Variants in EPHA5 observed in about 807,000 individuals in gnomAD.
The protein encoded by EPHA5 is EPH receptor A5, also known as ephrin type-A receptor 5.
Under a neutral mutation model 105.0 loss-of-function variants are expected in EPHA5, and 60 were observed. That is an observed-to-expected ratio of 0.57 (90% CI 0.46 to 0.71). EPHA5 has a LOEUF of 0.71. EPHA5 is among the 30% of genes least tolerant of loss of function. The pLI, the probability that EPHA5 is intolerant of heterozygous loss-of-function variation, is 0.00. For synonymous variants in EPHA5, 513 were observed against 449.1 expected (o/e 1.14, Z -1.80); for missense variants, 1,218 against 1,274.7 (o/e 0.96, Z 0.68).
chr4:65,652,082 T>C (rs1478580335), intron 1 of EPHA5, among the ~76,000 whole-genome samples: 1 of 152,176 alleles, frequency 6.6e-6, no homozygotes, highest in Non-Finnish European at 1.5e-5. Flanking sequence ...AAGCCAACAT[T>C]AGATGATATA....
At chr4:65,333,566 T>C (rs1560420185) in intron 15 of EPHA5, among the ~76,000 whole-genome samples, 1 of 120,894 alleles carries the variant, frequency 8.3e-6, no homozygotes, top group South Asian at 2.3e-4. Context: ...TGTGTGTGTG[T>C]GTGTGTGTGT....
chr4:65,442,100 G>T (rs1347239884), intron 5 of EPHA5, among the ~76,000 whole-genome samples: 1 of 151,946 alleles, frequency 6.6e-6, no homozygotes, highest in East Asian at 1.9e-4. Flanking sequence ...TATAAGAAGA[G>T]GTTATGACCT....
intron 1 of EPHA5, among the ~76,000 whole-genome samples, chr4:65,663,412 A>G (rs1449726386): frequency 6.6e-6 from 1 of 152,014 alleles, no homozygotes; most frequent in Non-Finnish European, 1.5e-5. Context: ...ATGACTTTGT[A>G]ACATCTGAGA....
chr4:65,479,834 T>C (rs889857101), intron 5 of EPHA5, among the ~76,000 whole-genome samples: 2 of 152,132 alleles, frequency 1.3e-5, no homozygotes, highest in Admixed American at 1.3e-4. Context: ...AAAAAACATA[T>C]GCGTATGATT....
chr4:65,346,537 AT>A (rs1722242156), intron 14 of EPHA5, among the ~76,000 whole-genome samples: 1 of 152,078 alleles, frequency 6.6e-6, no homozygotes. Flanking sequence ...TTGGGGTTTC[AT>A]TTTGTCTTTT....
intron 3 of EPHA5, among the ~76,000 whole-genome samples, chr4:65,501,185 A>G (rs1343258520): frequency 2.6e-5 from 4 of 151,542 alleles, no homozygotes; most frequent in Non-Finnish European, 5.9e-5. Flanking sequence ...TATAGTATAA[A>G]TATTATTGCT....
At chr4:65,548,329 G>A (rs1043475885) in intron 3 of EPHA5, among the ~76,000 whole-genome samples, 2 of 149,946 alleles carry the variant, frequency 1.3e-5, no homozygotes, top group Non-Finnish European at 3.0e-5. Context: ...AGATAAAGTA[G>A]GAGAGTTAGT....
intron 3 of EPHA5, among the ~76,000 whole-genome samples, chr4:65,575,200 A>C (rs1012806190): frequency 2.0e-5 from 3 of 152,102 alleles, no homozygotes; most frequent in African/African-American, 7.2e-5. Context: ...CCTGGCAATC[A>C]TTCTGGTCCA....
intron 5 of EPHA5, among the ~76,000 whole-genome samples, chr4:65,457,317 G>C (rs781193450): frequency 6.6e-6 from 1 of 152,058 alleles, no homozygotes; most frequent in South Asian, 2.1e-4. Flanking sequence ...TGGTGTCCTC[G>C]CCTGTTAACT....
chr4:65,434,430 G>A (rs1051953740), intron 5 of EPHA5, among the ~76,000 whole-genome samples: 3 of 151,896 alleles, frequency 2.0e-5, no homozygotes, highest in Non-Finnish European at 2.9e-5. Context: ...AGGCCAAGAC[G>A]ATATATTTCT....
At chr4:65,659,150 T>A (rs1749320196) in intron 1 of EPHA5, among the ~76,000 whole-genome samples, 1 of 151,696 alleles carries the variant, frequency 6.6e-6, no homozygotes, top group Non-Finnish European at 1.5e-5. Context: ...AGAATAAAAC[T>A]ATTTTAAAAA....
intron 15 of EPHA5, among the ~76,000 whole-genome samples, chr4:65,335,546 A>G (rs1721090931): frequency 6.6e-6 from 1 of 152,042 alleles, no homozygotes; most frequent in Admixed American, 6.6e-5. Context: ...TTATTGCTAG[A>G]TATCTCTGGT....
intron 2 of EPHA5, among the ~76,000 whole-genome samples, chr4:65,620,166 A>G (rs7674317): frequency 0.9 from 134,187 of 148,334 alleles, 60,778 homozygotes; most frequent in Admixed American, 0.92. Flanking sequence ...AAAATTTATC[A>G]AGAATGAAGT....
intron 1 of EPHA5, among the ~76,000 whole-genome samples, chr4:65,668,409 C>T (rs549030793): frequency 9.9e-5 from 15 of 152,282 alleles, no homozygotes; most frequent in Non-Finnish European, 2.9e-5. Flanking sequence ...AAACCGAAAC[C>T]TCACCATTCT....
At chr4:65,578,100 C>A (rs1283904382) in intron 3 of EPHA5, among the ~76,000 whole-genome samples, 1 of 152,114 alleles carries the variant, frequency 6.6e-6, no homozygotes, top group Non-Finnish European at 1.5e-5. Flanking sequence ...ATACCTATAT[C>A]AACATCTAAT....
intron 8 of EPHA5, among the ~76,000 whole-genome samples, chr4:65,377,375 G>A (rs1719116344): frequency 1.3e-5 from 2 of 151,920 alleles, no homozygotes; most frequent in Admixed American, 6.6e-5. Flanking sequence ...AAAGATGTAA[G>A]CCCATTCTAA....
At chr4:65,440,583 G>T (rs1341743579) in intron 5 of EPHA5, among the ~76,000 whole-genome samples, 1 of 148,016 alleles carries the variant, frequency 6.8e-6, no homozygotes, top group Non-Finnish European at 1.5e-5. Context: ...AGTTATTTTC[G>T]ATTACTTCAT....
Position 65,494,788 on chromosome 4 carries a change from A to T in EPHA5, c.1066+600T>A, listed in dbSNP as rs561466599. On this transcript the variant is annotated intron_variant, in intron 4 of 16. Coordinates refer to ENST00000613740, the MANE Select transcript of EPHA5 (RefSeq NM_001281766.3). Reference sequence around the variant, plus strand: ...AAAAATTGGTGTATGTATGACTCTGATCTGATTTAAATCTTGTTTGCCACT... The same window carrying T: ...AAAAATTGGTGTATGTATGACTCTGTTCTGATTTAAATCTTGTTTGCCACT... Among the ~76,000 whole-genome samples, 8 of 152,260 alleles carry T rather than the reference A, an allele frequency of 5.3e-5. No homozygotes were observed. The East Asian group carries it at 1.5e-3, about 29-fold the overall frequency.
rs1201946958 is a variant in EPHA5 at position 65,550,926 on chromosome 4, T to C, written c.910+50715A>G. ...TCAATGTCAAAAAAATAAACCATGA[T>C]TTGGAGATTCCTACTAGATTACAGA... On this transcript the variant is annotated intron_variant, in intron 3 of 16. Coordinates refer to ENST00000613740, the MANE Select transcript of EPHA5 (RefSeq NM_001281766.3). Among the ~76,000 whole-genome samples, 7 of 152,142 alleles carry C rather than the reference T, an allele frequency of 4.6e-5. No homozygotes were observed. In the East Asian group the frequency reaches 1.2e-3, roughly 25 times the overall value.
Sources: gnomAD v4.1 joint callset for allele counts (sites outside exome capture counted in the v4.1 genomes callset) on GRCh38, gnomAD v4.1.1 for gene constraint, MANE v1.5 for transcripts, NCBI Gene and HGNC (gene_info 2026-07-23, HGNC 2026-07-21) for gene names.